OGDH: variants seen among roughly 807,000 people sequenced by gnomAD.
The protein encoded by OGDH is oxoglutarate dehydrogenase.
OGDH carries 38 observed loss-of-function variants against 116.6 expected under a neutral mutation model. The observed-to-expected ratio is 0.33, with a 90% CI of 0.25 to 0.43. The LOEUF is 0.43. Ranked by LOEUF, OGDH falls within the 20% of genes least tolerant of loss-of-function variation. The pLI is 1.00. For missense variants in OGDH, 825 were observed against 1,357.2 expected, an observed-to-expected ratio of 0.61 and a Z score of 6.16; for synonymous variants, 488 against 533.3, an observed-to-expected ratio of 0.92 and a Z score of 1.17.
chr7:44,689,685 C>T (rs1179402999), intron 10 of OGDH, among the ~76,000 whole-genome samples: 1 of 151,976 alleles, frequency 6.6e-6, no homozygotes, highest in Non-Finnish European at 1.5e-5. Context: ...TTTTCATTTG[C>T]TTATTGGCTA....
At position 44,610,523 on chromosome 7, in the gene OGDH, C is replaced by T. The variant is rs138018289; in HGVS notation, c.-28+3870C>T. 6.0e-4 allele frequency among the ~76,000 whole-genome samples: 91 copies of T among 152,132 alleles called. 1 individual carries two copies. Among genetic ancestry groups the T allele is most frequent in the African/African-American group, 2.1e-3 (87 of 41,512 alleles). On this transcript the variant is annotated intron_variant, in intron 1 of 22. Coordinates refer to ENST00000222673, the MANE Select transcript of OGDH (RefSeq NM_002541.4). ...TTCACCGTGTTGGTCAGGCTGGTCT[C>T]GAACTCCTGACCTCGCGATCTGTCC...
chr7:44,695,701 C>CAAA (rs551704915), intron 12 of OGDH, among the ~76,000 whole-genome samples: 2 of 83,190 alleles, frequency 2.4e-5, no homozygotes, highest in Admixed American at 1.3e-4. Flanking sequence ...GACTCCGTCT[C>CAAA]AAAAAAAAAA....
At chr7:44,625,992 G>C (rs1260216387) in intron 2 of OGDH, among the ~76,000 whole-genome samples, 1 of 151,932 alleles carries the variant, frequency 6.6e-6, no homozygotes, top group Non-Finnish European at 1.5e-5. Context: ...AAAGAAGGTG[G>C]GGGGCGGGTA....
intron 1 of OGDH, among the ~76,000 whole-genome samples, chr7:44,621,778 A>C (rs951379071): frequency 6.6e-6 from 1 of 151,976 alleles, no homozygotes; most frequent in Non-Finnish European, 1.5e-5. Flanking sequence ...AGGCTGAGGC[A>C]GGGGAATTGC....
chr7:44,686,161 T>G (rs1788117497), intron 10 of OGDH, among the ~76,000 whole-genome samples: 1 of 152,202 alleles, frequency 6.6e-6, no homozygotes, highest in African/African-American at 2.4e-5. Flanking sequence ...TCTTTTTTCT[T>G]ATTGCACTGG....
chr7:44,683,373 C>T (rs553843269), intron 10 of OGDH, among the ~76,000 whole-genome samples: 3 of 151,960 alleles, frequency 2.0e-5, no homozygotes, highest in African/African-American at 4.8e-5. Flanking sequence ...GGACTATAGA[C>T]GTGCACCACC....
intron 2 of OGDH, among the ~76,000 whole-genome samples, chr7:44,633,325 G>A (rs1785528761): frequency 1.3e-5 from 2 of 150,818 alleles, no homozygotes; most frequent in South Asian, 4.2e-4. Flanking sequence ...AATTGTTCCA[G>A]TGAGTTCCAT....
At chr7:44,672,571 G>A (rs553554062) in intron 5 of OGDH, among the ~76,000 whole-genome samples, 1 of 152,066 alleles carries the variant, frequency 6.6e-6, no homozygotes, top group Admixed American at 6.5e-5. Context: ...GGGCAGCTGT[G>A]CAGGTCGAGT....
In OGDH at chr7:44,679,965, C is replaced by T. The variant is rs530807800; in HGVS notation, c.1207-1755C>T. On this transcript the variant is annotated intron_variant, in intron 9 of 22. Coordinates refer to ENST00000222673, the MANE Select transcript of OGDH (RefSeq NM_002541.4). ...ATGACTCATGCCTGTAATCCCAGCA[C>T]TTTGGGAGGCTGAGGCAAGAGGAGT... is the stretch of plus-strand genomic sequence containing the variant. 1.3e-3 allele frequency among the ~76,000 whole-genome samples: 204 copies of T among 152,286 alleles called. 3 individuals are homozygous for T. Among genetic ancestry groups the T allele is most frequent in the African/African-American group, 4.6e-3 (190 of 41,566 alleles).
intron 10 of OGDH, among the ~76,000 whole-genome samples, chr7:44,690,601 G>A (rs879358703): frequency 6.6e-6 from 1 of 152,146 alleles, no homozygotes; most frequent in African/African-American, 2.4e-5. Context: ...TAACCCTGCC[G>A]GTAGAGTGCA....
chr7:44,635,427 G>A (rs758763858), intron 2 of OGDH, among the ~76,000 whole-genome samples: 3 of 152,174 alleles, frequency 2.0e-5, no homozygotes, highest in Non-Finnish European at 2.9e-5. Context: ...CAAGGAGACC[G>A]GAGCCTGCCC....
At position 44,696,904 on chromosome 7, in the gene OGDH, G is replaced by GTCTCTGCAGGGCTGAGCCGGA. The variant is rs747101412; in HGVS notation, c.1901-6_1915dup. The GTCTCTGCAGGGCTGAGCCGGA allele has an allele frequency of 6.2e-7, 1 of 1,600,940 alleles. No individual in the cohort carries two copies. The highest frequency in any genetic ancestry group is 8.5e-7 in the Non-Finnish European group (1 of 1,172,232). On this transcript the variant is annotated splice_polypyrimidine_tract_variant and intron_variant, in intron 14 of 22. Coordinates refer to ENST00000222673, the MANE Select transcript of OGDH (RefSeq NM_002541.4). Reference sequence around the variant, plus strand: ...GCCTGCAGCAGCTGGTGAGAGCTGTGTCTCTGCAGGGCTGAGCCGGATCTT... The same window carrying GTCTCTGCAGGGCTGAGCCGGA: ...GCCTGCAGCAGCTGGTGAGAGCTGTGTCTCTGCAGGGCTGAGCCGGATCTCTGCAGGGCTGAGCCGGATCTT...
chr7:44,677,602 C>T (rs1005253825), intron 9 of OGDH, among the ~76,000 whole-genome samples: 1 of 152,132 alleles, frequency 6.6e-6, no homozygotes, highest in Non-Finnish European at 1.5e-5. Context: ...GGTGCGGTGG[C>T]TCACGCCTGT....
At chr7:44,634,044 CTG>C (rs1255515173) in intron 2 of OGDH, among the ~76,000 whole-genome samples, 2 of 152,212 alleles carry the variant, frequency 1.3e-5, no homozygotes, top group East Asian at 1.9e-4. Context: ...TCTCATGACT[CTG>C]TGGGTTGGCT....
chr7:44,612,509 G>C (rs943702483), intron 1 of OGDH, among the ~76,000 whole-genome samples: 4 of 151,486 alleles, frequency 2.6e-5, no homozygotes, highest in African/African-American at 9.7e-5. Flanking sequence ...TCAGACCCCC[G>C]AGTAGGTGGG....
intron 2 of OGDH, among the ~76,000 whole-genome samples, chr7:44,626,306 TACACACACAC>T (rs374833881): frequency 2.9e-5 from 4 of 136,898 alleles, no homozygotes; most frequent in Admixed American, 7.3e-5. Flanking sequence ...CACACACCCC[TACACACACAC>T]ACACACACAC....
In OGDH at chr7:44,707,228, C is replaced by G. The variant is rs775524658; in HGVS notation, c.2636C>G (p.Thr879Ser). The G allele has an allele frequency of 1.2e-6, 2 of 1,614,094 alleles. No individual in the cohort carries two copies. The highest frequency in any genetic ancestry group is 1.7e-6 in the Non-Finnish European group (2 of 1,179,936). Residue 879 changes from threonine to serine, a missense_variant, in exon 21 of 23, where the codon ACC becomes AGC. Coordinates refer to ENST00000222673, the MANE Select transcript of OGDH (RefSeq NM_002541.4). This position sits in a 1 kb window ranked among gnomAD's most constrained non-coding sequence, Gnocchi z 5.2. ...AGCCATGGGAACTCTCTTGTAGGAACCCACTTCCAGCGGGTGATCCCAGAA... is the reference window on the plus strand; with the variant it reads ...AGCCATGGGAACTCTCTTGTAGGAAGCCACTTCCAGCGGGTGATCCCAGAA... The part of the protein sequence containing the change: ...RSSFDEMLPG[T>S]HFQRVIPEDG...
intron 1 of OGDH, among the ~76,000 whole-genome samples, chr7:44,622,620 A>G (rs1412307060): frequency 6.6e-6 from 1 of 152,208 alleles, no homozygotes; most frequent in Non-Finnish European, 1.5e-5. Flanking sequence ...AGTTTCTGAT[A>G]AATAATATAG....
chr7:44,614,883 C>G (rs1235549755), intron 1 of OGDH, among the ~76,000 whole-genome samples: 1 of 142,516 alleles, frequency 7.0e-6, no homozygotes, highest in East Asian at 2.1e-4. Context: ...GTCGCCCAGG[C>G]TGGAGTGCAG....
Sources: allele counts gnomAD v4.1 joint callset (sites outside exome capture counted in the v4.1 genomes callset), GRCh38; gene constraint gnomAD v4.1.1; non-coding constraint Gnocchi (gnomAD v3.1); transcripts MANE v1.5; gene names NCBI Gene and HGNC (gene_info 2026-07-23, HGNC 2026-07-21).